Variants in PAX5 observed in about 807,000 individuals in gnomAD.
The protein encoded by PAX5 is paired box protein Pax-5.
A neutral mutation model predicts 43.7 loss-of-function variants in PAX5; 9 were observed. The ratio of observed to expected loss-of-function variants is 0.21; its 90% CI spans 0.12 to 0.36. The LOEUF (loss-of-function observed/expected upper bound fraction) is 0.36, where lower values mean the gene tolerates loss of function less well. Among genes scored for constraint, PAX5 ranks in the 10% least tolerant of loss-of-function variants. The pLI, the probability that PAX5 is intolerant of heterozygous loss-of-function variation, is 1.00. For missense variants in PAX5, 383 were observed against 532.7 expected (o/e 0.72, Z 2.77); for synonymous variants, 228 against 214.3 (o/e 1.06, Z -0.56).
At chr9:36,924,849 G>A (rs28405419) in intron 6 of PAX5, among the ~76,000 whole-genome samples, 100 of 1,908 alleles carry the variant, frequency 0.052, no homozygotes, top group Non-Finnish European at 0.074. Flanking sequence ...AAGGGAGGGA[G>A]GGAGGAGGGA....
rs528997126 is a variant in PAX5, at chr9:36,842,688, G to A, written c.1100-2052C>T. 2.0e-5 allele frequency among the ~76,000 whole-genome samples: 3 copies of A among 152,140 alleles called. No individual in the cohort carries two copies. The East Asian group carries it at 5.8e-4, about 29-fold the overall frequency. ...TTTACTGCTTGACACAGTCATTCCC[G>A]GTTCTGCTTTCTCTCTAATCCCTTC... On this transcript the variant is annotated intron_variant, in intron 9 of 9. Transcript: ENST00000358127.
At chr9:36,904,793 C>T (rs749903064) in intron 7 of PAX5, among the ~76,000 whole-genome samples, 3 of 152,142 alleles carry the variant, frequency 2.0e-5, no homozygotes, top group East Asian at 1.9e-4. Context: ...TGATTAGTAA[C>T]GACCAATCAT....
At chr9:36,999,989 A>G (rs1023397111) in intron 5 of PAX5, among the ~76,000 whole-genome samples, 6 of 152,074 alleles carry the variant, frequency 3.9e-5, no homozygotes, top group African/African-American at 1.4e-4. Context: ...TAGCTGGAAA[A>G]TACCAGGGAA....
chr9:36,981,807 T>C (rs1377571735), intron 5 of PAX5, among the ~76,000 whole-genome samples: 1 of 152,248 alleles, frequency 6.6e-6, no homozygotes, highest in Non-Finnish European at 1.5e-5. Flanking sequence ...TCTCAACACA[T>C]CTGTGCAATG....
At chr9:36,988,330 C>A (rs1290418526) in intron 5 of PAX5, among the ~76,000 whole-genome samples, 1 of 152,024 alleles carries the variant, frequency 6.6e-6, no homozygotes, top group African/African-American at 2.4e-5. Flanking sequence ...TTTCTTCTGA[C>A]CCTAAGCTGA....
At chr9:36,954,524 A>G (rs779546138) in intron 6 of PAX5, among the ~76,000 whole-genome samples, 1 of 152,180 alleles carries the variant, frequency 6.6e-6, no homozygotes, top group African/African-American at 2.4e-5. Context: ...AATTATTACT[A>G]TCTCTTAACA....
At chr9:36,901,207 T>C (rs973960621) in intron 7 of PAX5, among the ~76,000 whole-genome samples, 1 of 152,146 alleles carries the variant, frequency 6.6e-6, no homozygotes, top group Admixed American at 6.5e-5. Flanking sequence ...CCCAGGTCTT[T>C]GGCAGCCTCA....
chr9:36,920,803 CTTTTTT>C (rs58220286), intron 7 of PAX5, among the ~76,000 whole-genome samples: 4 of 91,252 alleles, frequency 4.4e-5, no homozygotes, highest in Admixed American at 1.5e-4. Context: ...ATAGACATAG[CTTTTTT>C]TTTTTTTTTT....
intron 3 of PAX5, among the ~76,000 whole-genome samples, chr9:37,008,641 A>G (rs568594749): frequency 2.0e-4 from 31 of 152,164 alleles, no homozygotes; most frequent in African/African-American, 6.5e-4. Flanking sequence ...CTATAGTCTC[A>G]CCACACACAC....
chr9:37,032,714 T>C (rs1841107460), intron 1 of PAX5, among the ~76,000 whole-genome samples: 2 of 152,282 alleles, frequency 1.3e-5, no homozygotes, highest in South Asian at 4.2e-4. Flanking sequence ...AAGAGAGTGT[T>C]TGTGTGGGAG....
intron 5 of PAX5, 29 bp downstream of exon 5, chr9:37,002,619 C>G (rs1322206487): frequency 1.3e-6 from 2 of 1,596,784 alleles, no homozygotes; most frequent in Non-Finnish European, 1.7e-6. Context: ...GGAGCGCATC[C>G]CCGACGGGGC....
chr9:36,859,137 G>T (rs80349902), intron 8 of PAX5, among the ~76,000 whole-genome samples: 2,504 of 152,210 alleles, frequency 0.016, 76 homozygotes, highest in African/African-American at 0.057. Context: ...CGAGGAGCGC[G>T]CTCAATTCTG....
At chr9:36,906,277 A>G (rs1468782928) in intron 7 of PAX5, among the ~76,000 whole-genome samples, 1 of 152,186 alleles carries the variant, frequency 6.6e-6, no homozygotes, top group Admixed American at 6.5e-5. Flanking sequence ...GAGCGTGTGG[A>G]TCACCCAGGT....
rs1821594374 is a variant in PAX5, at chr9:36,835,707, A to C, written c.*4853T>G. ...CCGAGGCCAAAAGAACGAAAGAAAT[A>C]GTTTCCCCAGGAGAGCTGGTGTGTG... is the stretch of plus-strand genomic sequence containing the variant. On this transcript the variant is annotated 3_prime_UTR_variant, in exon 10 of 10. Transcript: ENST00000358127. The C allele has an allele frequency of 4.3e-6, 1 of 233,282 alleles. No homozygotes were observed. The highest frequency in any genetic ancestry group is 6.0e-5 in the East Asian group (1 of 16,568). The allele number at this position is 233,282 out of a possible 1,614,324, so 14.5% of individuals were successfully genotyped here.
Position 36,988,662 on chromosome 9 carries a change from CAAAA to C in PAX5, c.604+13982_604+13985del, listed in dbSNP as rs139552622. On this transcript the variant is annotated intron_variant, in intron 5 of 9. Transcript: ENST00000358127. ...TGGGCAACAGAGTGAGACCCTGTCT[CAAAA>C]AAAAAAAAAAAAAAAAAAAAGAGAG... Among the ~76,000 whole-genome samples the C allele has an allele frequency of 8.8e-4, 91 of 103,508 alleles. 1 individual carries two copies. Among genetic ancestry groups the C allele is most frequent in the African/African-American group, 3.3e-3 (83 of 24,882 alleles). The allele number at this position is 103,508 out of a possible 152,430, so 67.9% of individuals were successfully genotyped here.
intron 6 of PAX5, among the ~76,000 whole-genome samples, chr9:36,937,925 C>A (rs1319224898): frequency 2.6e-5 from 4 of 152,130 alleles, no homozygotes; most frequent in African/African-American, 9.7e-5. Flanking sequence ...ACTGTTAGCA[C>A]CATTAAGGAA....
chr9:36,983,007 T>C (rs555117240), intron 5 of PAX5, among the ~76,000 whole-genome samples: 1 of 152,182 alleles, frequency 6.6e-6, no homozygotes, highest in Non-Finnish European at 1.5e-5. Flanking sequence ...GGGCCAGGGA[T>C]GCTACCCAGC....
chr9:37,028,842 T>A (rs1295730356), intron 1 of PAX5, among the ~76,000 whole-genome samples: 1 of 152,178 alleles, frequency 6.6e-6, no homozygotes, highest in East Asian at 1.9e-4. Flanking sequence ...GTAGACAAAA[T>A]GGATGGATTT....
At chr9:36,990,310 T>G (rs1836813909) in intron 5 of PAX5, among the ~76,000 whole-genome samples, 1 of 152,168 alleles carries the variant, frequency 6.6e-6, no homozygotes, top group Admixed American at 6.5e-5. Flanking sequence ...GAGTCAGCAC[T>G]AGAACTCGGG....
Sources: gnomAD v4.1 joint callset for allele counts (sites outside exome capture counted in the v4.1 genomes callset) on GRCh38, gnomAD v4.1.1 for gene constraint, MANE v1.5 for transcripts, NCBI Gene and HGNC (gene_info 2026-07-23, HGNC 2026-07-21) for gene names.